The following TBC1D17 variants were observed in gnomAD, a reference collection of about 807,000 sequenced individuals.
The protein encoded by TBC1D17 is TBC1 domain family member 17.
TBC1D17 carries 69 observed loss-of-function variants against 78.8 expected under a neutral mutation model. That is an observed-to-expected ratio of 0.88 (90% CI 0.72 to 1.07). The LOEUF is 1.07. TBC1D17 is among the 50% of genes least tolerant of loss of function. The pLI is 0.00. For synonymous variants in TBC1D17, 456 were observed against 358.3 expected, an observed-to-expected ratio of 1.27 and a Z score of -3.08; for missense variants, 957 against 861.0, an observed-to-expected ratio of 1.11 and a Z score of -1.39.
chr19:49,878,859 A>T, intron 3 of TBC1D17: 1 of 410,830 alleles, frequency 2.4e-6, no homozygotes, highest in East Asian at 4.3e-5. Context: ...CAAGATGTGG[A>T]TTCGAGTTGC....
intron 15 of TBC1D17, 174 bp downstream of exon 15, chr19:49,888,008 C>T (rs376860993): frequency 1.1e-6 from 1 of 927,696 alleles, no homozygotes; most frequent in Non-Finnish European, 1.6e-6. Flanking sequence ...CATGCCTGCT[C>T]CCAGCAAGGT....
intron 15 of TBC1D17, 40 bp from the exon 16 acceptor site, chr19:49,888,191 G>A: frequency 6.4e-7 from 1 of 1,554,644 alleles, no homozygotes; most frequent in Non-Finnish European, 8.7e-7. Flanking sequence ...GGCGGAGGTG[G>A]TTGAGTGCCG....
chr19:49,880,218 A>C, intron 3 of TBC1D17, 61 bp from the exon 4 acceptor site: 1 of 1,586,908 alleles, frequency 6.3e-7, no homozygotes, highest in Non-Finnish European at 8.6e-7. Context: ...CTTCCAGGGT[A>C]GCCTCGAGGC....
rs749701630 is a variant in TBC1D17 at position 49,881,292 on chromosome 19, G to A, written c.344G>A (p.Gly115Asp). Residue 115 changes from glycine to aspartate, a missense_variant, in exon 5 of 17, where the codon GGC becomes GAC. By Grantham distance (94) the Gly-to-Asp change is moderately conservative. Coordinates refer to ENST00000221543, the MANE Select transcript of TBC1D17 (RefSeq NM_024682.3). ...TRGAEPSCPQ[G>D]SWAFSVSLGE... ...GGTGCAGAGCCCAGCTGCCCCCAGGGCTCCTGGGCCTTCTCAGTGAGTCTG... is the reference window on the plus strand; with the variant it reads ...GGTGCAGAGCCCAGCTGCCCCCAGGACTCCTGGGCCTTCTCAGTGAGTCTG... The A allele has an allele frequency of 6.2e-7, 1 of 1,613,090 alleles. No individual in the cohort carries two copies. Among genetic ancestry groups the A allele is most frequent in the Non-Finnish European group, 8.5e-7 (1 of 1,179,932 alleles).
In TBC1D17 at chr19:49,882,848, C is replaced by A. The variant is rs77434034; in HGVS notation, c.883C>A (p.Arg295Ser). Reference protein sequence around the residue: ...EWARHVGPEGRLQQVPELKNR... With the variant: ...EWARHVGPEGSLQQVPELKNR... Reference sequence around the variant, plus strand: ...GGCACGCCACGTGGGCCCTGAAGGTCGCCTGCAGCAGGTCCCTGAGCTGAA... The same window carrying A: ...GGCACGCCACGTGGGCCCTGAAGGTAGCCTGCAGCAGGTCCCTGAGCTGAA... Residue 295 changes from arginine to serine, a missense_variant, in exon 8 of 17, where the codon CGC becomes AGC. Coordinates refer to ENST00000221543, the MANE Select transcript of TBC1D17 (RefSeq NM_024682.3). 5.3e-5 allele frequency: 85 copies of A among 1,610,842 alleles called. No individual in the cohort carries two copies. In the African/African-American group the frequency reaches 1.1e-3, roughly 21 times the overall value.
rs552678416 is a variant in TBC1D17, at chr19:49,878,895, G to A, written c.195+323G>A. On this transcript the variant is annotated intron_variant, in intron 3 of 16. Coordinates refer to ENST00000221543, the MANE Select transcript of TBC1D17 (RefSeq NM_024682.3). ...TTGAAGGGAAATGGCATTTCCTCTG[G>A]TGCCAGAGGACAGGGCCTGACAGCC... 1.5e-5 allele frequency: 5 copies of A among 324,710 alleles called. No individual in the cohort carries two copies. In the East Asian group the frequency reaches 2.6e-4, roughly 17 times the overall value. The allele number at this position is 324,710 out of a possible 1,614,324, so 20.1% of individuals were successfully genotyped here.
chr19:49,883,703 G>C lies in TBC1D17; in HGVS notation c.1084G>C (p.Glu362Gln). ...GTGGAAATCTGTGAGCCCTGAGCAG[G>C]AGCGGAGAAACTCACTTCTGCATGG... Reference protein sequence around the residue: ...LQWKSVSPEQERRNSLLHGYR... With the variant: ...LQWKSVSPEQQRRNSLLHGYR... The change falls in exon 10 of 17, where the codon GAG becomes CAG. Residue 362 changes from glutamate (E) to glutamine (Q), a missense_variant. Transcript: ENST00000221543. The C allele has an allele frequency of 6.2e-7, 1 of 1,614,014 alleles. No homozygotes were observed.
intron 10 of TBC1D17, 109 bp from the exon 11 acceptor site, chr19:49,884,144 G>A (rs1416214540): frequency 2.0e-6 from 2 of 1,008,754 alleles, no homozygotes; most frequent in South Asian, 1.4e-5. Context: ...AGCAAACCCC[G>A]AGGCTGGGGG....
In TBC1D17 at chr19:49,888,526, G is replaced by GCC; in HGVS notation, c.1852_1853dup (p.Pro619ArgfsTer44). On this transcript the variant is annotated frameshift_variant, in exon 17 of 17. Transcript: ENST00000221543. LOFTEE classifies it low-confidence loss of function (END_TRUNC). ...CCCGCTGCCTCTGTCGCCCACCCGG[G>GCC]CCCCGCCCACCCCGCCGCCCTCCAC... is the stretch of plus-strand genomic sequence containing the variant. 1 of 1,533,158 alleles carries GCC rather than the reference G, an allele frequency of 6.5e-7. No individual in the cohort carries two copies. Among genetic ancestry groups the GCC allele is most frequent in the South Asian group, 1.2e-5 (1 of 84,280 alleles). The allele number at this position is 1,533,158 out of a possible 1,614,324, so 95.0% of individuals were successfully genotyped here. A position where few individuals can be genotyped will look rare whatever the true frequency, so the allele number is the denominator to read the frequency against.
intron 3 of TBC1D17, chr19:49,878,835 T>C: frequency 2.1e-6 from 1 of 471,848 alleles, no homozygotes. Flanking sequence ...TCTTGGGAGA[T>C]CCCTGCCAGG....
chr19:49,882,214 C>T lies in TBC1D17; in HGVS notation c.640-28C>T, dbSNP rs769553598. On this transcript the variant is annotated intron_variant, in intron 6 of 16. Coordinates refer to ENST00000221543, the MANE Select transcript of TBC1D17 (RefSeq NM_024682.3). ...CAGGGAGGGACGAGAAGGGGCGGGC[C>T]GTGACCTCCCTTTGGCCTCGTCCCC... 1.3e-5 allele frequency: 21 copies of T among 1,612,582 alleles called. 1 individual carries two copies. The highest frequency in any genetic ancestry group is 1.1e-4 in the East Asian group (5 of 44,890).
At chr19:49,883,575 G>T in intron 9 of TBC1D17, 76 bp from the exon 10 acceptor site, 1 of 1,335,858 alleles carries the variant, frequency 7.5e-7, no homozygotes, top group South Asian at 1.2e-5. Flanking sequence ...TGACCTGGGA[G>T]GTGGCGCCAG....
rs1006963866 is a variant in TBC1D17, at chr19:49,882,018, G to C, written c.528-23G>C. 10 of 1,596,070 alleles carry C rather than the reference G, an allele frequency of 6.3e-6. No homozygotes were observed. In the African/African-American group the frequency reaches 1.3e-4, roughly 21 times the overall value. On this transcript the variant is annotated intron_variant, in intron 5 of 16. Coordinates refer to ENST00000221543, the MANE Select transcript of TBC1D17 (RefSeq NM_024682.3). The stretch of plus-strand genomic sequence containing the variant: ...CTGGGCCCCTACCTGTGCATCACCT[G>C]TGCGTCACCTCCCGCCTCCCAGCTC...
At chr19:49,883,832 G>A (rs1600450145) in intron 10 of TBC1D17, 87 bp downstream of exon 10, 1 of 1,182,112 alleles carries the variant, frequency 8.5e-7, no homozygotes, top group Non-Finnish European at 1.3e-6. Flanking sequence ...GAGATAGAGG[G>A]AGCCCCCTGC....
chr19:49,887,397 G>T (rs976938444), intron 13 of TBC1D17, 79 bp from the exon 14 acceptor site: 58 of 1,435,738 alleles, frequency 4.0e-5, no homozygotes, highest in Non-Finnish European at 9.7e-7. Context: ...CTTGGGGAAG[G>T]TCTTCCAGTC....
At chr19:49,884,392 G>T in intron 11 of TBC1D17, 23 bp downstream of exon 11, 1 of 1,613,818 alleles carries the variant, frequency 6.2e-7, no homozygotes, top group South Asian at 1.1e-5. Context: ...CCTGGGGACG[G>T]GCGTGGCCGG....
chr19:49,887,284 C>G, intron 13 of TBC1D17, 192 bp from the exon 14 acceptor site: 1 of 600,418 alleles, frequency 1.7e-6, no homozygotes, highest in South Asian at 1.9e-5. Context: ...TAATAGCACA[C>G]TTCCTCTGGA....
chr19:49,878,801 G>A lies in TBC1D17; in HGVS notation c.195+229G>A, dbSNP rs1475591425. The A allele has an allele frequency of 7.5e-6, 4 of 533,124 alleles. No homozygotes were observed. In the South Asian group the frequency reaches 9.7e-5, roughly 13 times the overall value. 33.0% of individuals were successfully genotyped at this position (533,124 alleles called of 1,614,324 possible). ...GCATAAGACGCACGGTCGTGGGGAC[G>A]GCTGACCCCTCTCTCCCTTTGCTTC... On this transcript the variant is annotated intron_variant, in intron 3 of 16. Coordinates refer to ENST00000221543, the MANE Select transcript of TBC1D17 (RefSeq NM_024682.3).
chr19:49,881,749 G>A (rs573661111), intron 5 of TBC1D17, among the ~76,000 whole-genome samples: 8 of 152,154 alleles, frequency 5.3e-5, no homozygotes, highest in Non-Finnish European at 4.4e-5. Flanking sequence ...CTGGATAGAA[G>A]GCACCTCTTT....
Sources: gnomAD v4.1 joint callset for allele counts (sites outside exome capture counted in the v4.1 genomes callset) on GRCh38, gnomAD v4.1.1 for gene constraint, MANE v1.5 for transcripts, NCBI Gene and HGNC (gene_info 2026-07-23, HGNC 2026-07-21) for gene names.